Variants in RYR2 observed in about 807,000 individuals in gnomAD.
RYR2 encodes ryanodine receptor 2, also known as cardiac muscle ryanodine receptor-calcium release channel.
Under a neutral mutation model 601.1 loss-of-function variants are expected in RYR2, and 227 were observed. The ratio of observed to expected loss-of-function variants is 0.38; its 90% CI spans 0.34 to 0.42. RYR2 has a LOEUF of 0.42. Among genes scored for constraint, RYR2 ranks in the 10% least tolerant of loss-of-function variants. RYR2 has a pLI of 1.00. For synonymous variants in RYR2, 2,223 were observed against 2,175.1 expected (o/e 1.02, Z -0.61); for missense variants, 4,646 against 6,156.5 (o/e 0.75, Z 8.21).
chr1:237,606,736 A>C (rs1677168657), intron 35 of RYR2, among the ~76,000 whole-genome samples: 1 of 152,180 alleles, frequency 6.6e-6, no homozygotes, highest in African/African-American at 2.4e-5. Flanking sequence ...ACAAGAAAAA[A>C]ACAAACAACC....
intron 24 of RYR2, among the ~76,000 whole-genome samples, chr1:237,523,506 G>A (rs1352373958): frequency 6.6e-6 from 1 of 152,118 alleles, no homozygotes; most frequent in Non-Finnish European, 1.5e-5. Context: ...AGGCTGAGTT[G>A]GGTGGCTCAC....
intron 1 of RYR2, among the ~76,000 whole-genome samples, chr1:237,108,421 G>GC (rs1346959999): frequency 5.3e-5 from 8 of 152,200 alleles, no homozygotes; most frequent in Non-Finnish European, 1.2e-4. Flanking sequence ...AGCCCAGTAG[G>GC]CCTGCTAATT....
chr1:237,058,888 T>TA (rs549057222), intron 1 of RYR2, among the ~76,000 whole-genome samples: 2,515 of 148,228 alleles, frequency 0.017, 24 homozygotes, highest in Non-Finnish European at 0.028. Flanking sequence ...TGTAGAGTGA[T>TA]AAAAAAAAAA....
intron 1 of RYR2, among the ~76,000 whole-genome samples, chr1:237,082,298 T>G (rs367704035): frequency 7.1e-6 from 1 of 140,654 alleles, no homozygotes; most frequent in Non-Finnish European, 1.5e-5. Flanking sequence ...CACTAAGCAC[T>G]AAGCATGACT....
chr1:237,726,482 C>G (rs1690206668), intron 75 of RYR2, among the ~76,000 whole-genome samples, 174 bp downstream of exon 75: 1 of 152,012 alleles, frequency 6.6e-6, no homozygotes, highest in African/African-American at 2.4e-5. Context: ...ATATTTGTCC[C>G]TATCTAACAA....
intron 1 of RYR2, among the ~76,000 whole-genome samples, chr1:237,122,667 G>A (rs1251725435): frequency 6.7e-6 from 1 of 148,186 alleles, no homozygotes; most frequent in Non-Finnish European, 1.5e-5. Context: ...GGGCAACAGA[G>A]CAAGACCGTC....
intron 94 of RYR2, among the ~76,000 whole-genome samples, chr1:237,792,560 CT>C (rs1227465236): frequency 6.6e-6 from 1 of 152,112 alleles, no homozygotes; most frequent in Non-Finnish European, 1.5e-5. Context: ...AGCTGGGCTA[CT>C]GTAGACAGAC....
At chr1:237,323,505 CT>C (rs1299235407) in intron 2 of RYR2, among the ~76,000 whole-genome samples, 2 of 152,180 alleles carry the variant, frequency 1.3e-5, no homozygotes, top group Non-Finnish European at 2.9e-5. Context: ...TAGTTTTGCA[CT>C]GACACGTCTG....
intron 2 of RYR2, among the ~76,000 whole-genome samples, chr1:237,323,859 C>T (rs1036044719): frequency 6.6e-6 from 1 of 152,196 alleles, no homozygotes; most frequent in Non-Finnish European, 1.5e-5. Context: ...CCAGAGACAT[C>T]AGCTTCATTT....
Position 237,628,051 on chromosome 1 carries a change from A to G in RYR2, c.6411A>G (p.Glu2137=). 6.2e-7 allele frequency: 1 copy of G among 1,613,930 alleles called. No homozygotes were observed. The highest frequency in any genetic ancestry group is 8.5e-7 in the Non-Finnish European group (1 of 1,179,880). ...RSLLSVRMGK[E]EEKLMIRGLG... ...TGCTGAGTGTGAGAATGGGCAAAGA[A>G]GAAGAGAAGCTCATGATTCGTGGAT... Residue 2137 remains glutamate, a synonymous_variant, in exon 41 of 105, where the codon GAA becomes GAG. Coordinates refer to ENST00000366574, the MANE Select transcript of RYR2 (RefSeq NM_001035.3).
intron 91 of RYR2, among the ~76,000 whole-genome samples, chr1:237,786,996 GTTAAGA>G (rs1056184220): frequency 4.7e-4 from 71 of 152,158 alleles, no homozygotes; most frequent in Non-Finnish European, 9.0e-4. Flanking sequence ...CCTCATATGA[GTTAAGA>G]TTAAGTATAG....
In RYR2 at chr1:237,503,317, G is replaced by T; in HGVS notation, c.2425G>T (p.Gly809Ter). The change falls in exon 22 of 105, where the codon GGA becomes TGA. Residue 809 changes from glycine to a stop codon, truncating the protein, a stop_gained. Coordinates refer to ENST00000366574, the MANE Select transcript of RYR2 (RefSeq NM_001035.3). LOFTEE classifies it high-confidence loss of function. Reference protein sequence around the residue: ...KVRFLLGGRHGEFKFLPPPGY... With the variant: ...KVRFLLGGRH ...ACGCTTTCTGCTTGGAGGGCGACAT[G>T]GAGAATTCAAATTTCTTCCTCCACC... 1 of 1,612,646 alleles carries T rather than the reference G, an allele frequency of 6.2e-7. No homozygotes were observed. The highest frequency in any genetic ancestry group is 8.5e-7 in the Non-Finnish European group (1 of 1,179,164).
rs571958526 is a variant in RYR2 at position 237,121,287 on chromosome 1, C to T, written c.48+78718C>T. Among the ~76,000 whole-genome samples, 9 of 152,186 alleles carry T rather than the reference C, an allele frequency of 5.9e-5. 1 individual carries two copies. The highest frequency in any genetic ancestry group is 8.8e-5 in the Non-Finnish European group (6 of 68,016). Reference sequence around the variant, plus strand: ...AGCCTTACTTAGGCTTCTGATGAAACGGGGAAAGGAAGAAAGCAAGTGTTT... The same window carrying T: ...AGCCTTACTTAGGCTTCTGATGAAATGGGGAAAGGAAGAAAGCAAGTGTTT... On this transcript the variant is annotated intron_variant, in intron 1 of 104. Coordinates refer to ENST00000366574, the MANE Select transcript of RYR2 (RefSeq NM_001035.3).
intron 1 of RYR2, among the ~76,000 whole-genome samples, chr1:237,189,872 TA>T (rs1679771299): frequency 3.8e-5 from 4 of 104,792 alleles, no homozygotes; most frequent in East Asian, 3.4e-4. Context: ...GTTTTATTTT[TA>T]TTTTTATTTT....
At chr1:237,711,316 G>A (rs927949935) in intron 70 of RYR2, among the ~76,000 whole-genome samples, 2 of 152,002 alleles carry the variant, frequency 1.3e-5, no homozygotes, top group Non-Finnish European at 2.9e-5. Context: ...AAATTAAAAG[G>A]GAATAAATAA....
intron 10 of RYR2, among the ~76,000 whole-genome samples, chr1:237,405,950 T>G (rs953458157): frequency 2.8e-5 from 4 of 140,424 alleles, no homozygotes; most frequent in African/African-American, 1.0e-4. Context: ...TGAGGTATTC[T>G]TGCACTTTGA....
chr1:237,148,675 G>T lies in RYR2; in HGVS notation c.48+106106G>T, dbSNP rs553144715. ...GGAGAATAGAAAGATTTTGGGTTTTGAAGCCAGCTAGACTTGCATTTCAAT... is the reference window on the plus strand; with the variant it reads ...GGAGAATAGAAAGATTTTGGGTTTTTAAGCCAGCTAGACTTGCATTTCAAT... On this transcript the variant is annotated intron_variant, in intron 1 of 104. Coordinates refer to ENST00000366574, the MANE Select transcript of RYR2 (RefSeq NM_001035.3). 9.9e-4 allele frequency among the ~76,000 whole-genome samples: 150 copies of T among 151,578 alleles called. 1 individual carries two copies. Among genetic ancestry groups the T allele is most frequent in the Admixed American group, 1.9e-3 (29 of 15,208 alleles).
intron 91 of RYR2, among the ~76,000 whole-genome samples, 165 bp downstream of exon 91, chr1:237,786,201 G>T (rs1284436996): frequency 6.6e-6 from 1 of 152,162 alleles, no homozygotes; most frequent in African/African-American, 2.4e-5. Context: ...GAGGACCTCA[G>T]GCCATGGGCA....
At chr1:237,654,497 G>T in intron 52 of RYR2, 83 bp downstream of exon 52, 1 of 1,364,810 alleles carries the variant, frequency 7.3e-7, no homozygotes, top group South Asian at 1.4e-5. Context: ...ATTCCTAGTT[G>T]AATACTATCT....
Sources: allele counts gnomAD v4.1 joint callset (sites outside exome capture counted in the v4.1 genomes callset), GRCh38; gene constraint gnomAD v4.1.1; transcripts MANE v1.5; gene names NCBI Gene and HGNC (gene_info 2026-07-23, HGNC 2026-07-21).